The following STARD8 variants were observed in gnomAD, a reference collection of about 807,000 sequenced individuals.
The protein encoded by STARD8 is StAR related lipid transfer domain containing 8, also known as stAR-related lipid transfer protein 8.
In STARD8, 25 loss-of-function variants were observed where a neutral mutation model predicts 69.4. The observed-to-expected ratio is 0.36, with a 90% CI of 0.26 to 0.50. The LOEUF is 0.50. Ranked by LOEUF, STARD8 falls within the 20% of genes least tolerant of loss-of-function variation. The probability of loss-of-function intolerance (pLI) is 0.96; values close to 1 mark genes in which losing one functional copy is unlikely to be tolerated. For synonymous variants in STARD8, 389 were observed against 374.6 expected, an observed-to-expected ratio of 1.04 and a Z score of -0.45; for missense variants, 921 against 932.5, an observed-to-expected ratio of 0.99 and a Z score of 0.16.
chrX:68,657,241 C>T (rs968076404), intron 1 of STARD8, among the ~76,000 whole-genome samples: 30 of 111,606 alleles, frequency 2.7e-4, no homozygotes, highest in African/African-American at 9.5e-4. Flanking sequence ...GAGAATGATC[C>T]CAAAGCCTGT....
At chrX:68,701,823 A>G (rs1474626310) in intron 2 of STARD8, among the ~76,000 whole-genome samples, 1 of 111,942 alleles carries the variant, frequency 8.9e-6, no homozygotes, top group African/African-American at 3.3e-5. Flanking sequence ...CTTGACAACC[A>G]GGTTGCATTA....
At chrX:68,663,826 AT>A (rs1455489049) in intron 1 of STARD8, among the ~76,000 whole-genome samples, 1 of 111,389 alleles carries the variant, frequency 9.0e-6, no homozygotes, top group Non-Finnish European at 1.9e-5. Flanking sequence ...ATCTGTCGCT[AT>A]TGGTCTTTCT....
At chrX:68,676,511 G>A (rs1237635198) in intron 2 of STARD8, among the ~76,000 whole-genome samples, 2 of 112,299 alleles carry the variant, frequency 1.8e-5, no homozygotes, top group East Asian at 5.6e-4. Flanking sequence ...GCTAACTTGT[G>A]CAATCTCTGA....
intron 2 of STARD8, among the ~76,000 whole-genome samples, chrX:68,694,702 G>A (rs2079905433): frequency 9.0e-6 from 1 of 111,596 alleles, no homozygotes; most frequent in South Asian, 3.8e-4. Context: ...GGTACCTGGG[G>A]TCAGGCTCCT....
At position 68,718,245 on chromosome X, in the gene STARD8, T is replaced by A; in HGVS notation, c.1331T>A (p.Met444Lys). The A allele has an allele frequency of 8.3e-7, 1 of 1,211,270 alleles. No individual in the cohort carries two copies. Among genetic ancestry groups the A allele is most frequent in the East Asian group, 3.0e-5 (1 of 33,789 alleles). The change falls in exon 6 of 15, where the codon ATG becomes AAG. Residue 444 changes from methionine (M) to lysine (K), a missense_variant. Coordinates refer to ENST00000374599, the MANE Select transcript of STARD8 (RefSeq NM_001142503.3). ...VKCQAEALSQ[M>K]EVPAHGESPA... ...TGCCAAGCTGAGGCTCTCAGCCAGA[T>A]GGAGGTTCCGGCCCATGGAGAGTCC... is the stretch of plus-strand genomic sequence containing the variant.
At position 68,695,545 on chromosome X, in the gene STARD8, A is replaced by G. The variant is rs138726737; in HGVS notation, c.80-17369A>G. Reference sequence around the variant, plus strand: ...TCCCCTCCCCCACCTAGAGAGGAGAAGCTGCCTACAGATGATATCTGGAGG... The same window carrying G: ...TCCCCTCCCCCACCTAGAGAGGAGAGGCTGCCTACAGATGATATCTGGAGG... On this transcript the variant is annotated intron_variant, in intron 2 of 14. Transcript: ENST00000374599. 2.7e-3 allele frequency among the ~76,000 whole-genome samples: 296 copies of G among 111,150 alleles called. 1 individual carries two copies. Among genetic ancestry groups the G allele is most frequent in the Non-Finnish European group, 4.5e-3 (239 of 53,021 alleles).
chrX:68,674,659 G>A (rs918872073), intron 2 of STARD8, among the ~76,000 whole-genome samples: 2 of 111,589 alleles, frequency 1.8e-5, no homozygotes, highest in African/African-American at 6.5e-5. Context: ...CCTTAGAGTG[G>A]TGGAAAGAAT....
At chrX:68,716,333 G>A (rs1019897944) in intron 4 of STARD8, 35 bp from the exon 5 acceptor site, 2 of 1,192,925 alleles carry the variant, frequency 1.7e-6, no homozygotes, top group African/African-American at 1.8e-5. Flanking sequence ...TTTGGGGATG[G>A]GGACCCTTGG....
intron 1 of STARD8, among the ~76,000 whole-genome samples, chrX:68,663,195 A>G (rs1386104052): frequency 8.9e-6 from 1 of 112,153 alleles, no homozygotes; most frequent in African/African-American, 3.2e-5. Context: ...TTCATATGCT[A>G]TCTTCCCCTG....
chrX:68,722,185 C>A lies in STARD8; in HGVS notation c.2574+24C>A, dbSNP rs768688566. On this transcript the variant is annotated intron_variant, in intron 11 of 14. Transcript: ENST00000374599. Reference sequence around the variant, plus strand: ...AGGTGAGTAACCCCAGGCCATGACACCTACTTACCAGACCTGGGGGAACCA... The same window carrying A: ...AGGTGAGTAACCCCAGGCCATGACAACTACTTACCAGACCTGGGGGAACCA... The A allele has an allele frequency of 2.3e-5, 27 of 1,154,985 alleles. No individual in the cohort carries two copies. In the East Asian group the frequency reaches 8.2e-4, roughly 35 times the overall value.
chrX:68,652,989 A>C (rs1387477969), intron 1 of STARD8, among the ~76,000 whole-genome samples: 8 of 30,383 alleles, frequency 2.6e-4, no homozygotes, highest in East Asian at 1.3e-3. Flanking sequence ...CCACACACAC[A>C]CCACACACCA....
At chrX:68,668,015 C>A (rs183269352) in intron 2 of STARD8, among the ~76,000 whole-genome samples, 1 of 110,925 alleles carries the variant, frequency 9.0e-6, no homozygotes, top group African/African-American at 3.3e-5. Flanking sequence ...TGACTCTGGG[C>A]TGACAGTTGT....
chrX:68,695,634 C>T (rs753285053), intron 2 of STARD8, among the ~76,000 whole-genome samples: 77 of 111,333 alleles, frequency 6.9e-4, no homozygotes, highest in Non-Finnish European at 9.8e-4. Context: ...GCGCTGTGTG[C>T]TTGCTTGAGA....
At chrX:68,693,333 G>A (rs2079890757) in intron 2 of STARD8, among the ~76,000 whole-genome samples, 1 of 112,814 alleles carries the variant, frequency 8.9e-6, no homozygotes, top group Non-Finnish European at 1.9e-5. Flanking sequence ...CGGGCACATA[G>A]CATATGTGTT....
intron 10 of STARD8, 111 bp from the exon 11 acceptor site, chrX:68,721,936 T>C: frequency 1.2e-6 from 1 of 835,342 alleles, no homozygotes; most frequent in Non-Finnish European, 1.7e-6. Context: ...CAGGTTGTTT[T>C]GTGGCCAGGT....
rs764861474 is a variant in STARD8, at chrX:68,720,395, G to A, written c.2021G>A (p.Arg674His). Residue 674 changes from arginine (R) to histidine (H), a missense_variant, in exon 8 of 15, where the codon CGC (arginine) becomes CAC (histidine). Coordinates refer to ENST00000374599, the MANE Select transcript of STARD8 (RefSeq NM_001142503.3). ...PLPQSIQQAM[R>H]YLRSQCLDQV... ...CCACAGAGCATTCAGCAAGCCATGC[G>A]CTACTTGCGCAGCCAGTGCCTGGAC... 32 of 1,190,483 alleles carry A rather than the reference G, an allele frequency of 2.7e-5. No homozygotes were observed. The highest frequency in any genetic ancestry group is 1.3e-4 in the South Asian group (7 of 53,529).
At chrX:68,694,025 T>C (rs1170155857) in intron 2 of STARD8, among the ~76,000 whole-genome samples, 2 of 112,851 alleles carry the variant, frequency 1.8e-5, no homozygotes, top group African/African-American at 3.2e-5. Flanking sequence ...ATCGCCGAAA[T>C]TGGGGGACCC....
At chrX:68,653,114 C>T (rs1602535163) in intron 1 of STARD8, among the ~76,000 whole-genome samples, 1 of 31,885 alleles carries the variant, frequency 3.1e-5, no homozygotes, top group Admixed American at 4.7e-4. Context: ...CACACACACA[C>T]CACACACCAC....
chrX:68,686,119 G>A (rs2079830345), intron 2 of STARD8, among the ~76,000 whole-genome samples: 1 of 111,708 alleles, frequency 9.0e-6, no homozygotes, highest in Admixed American at 9.4e-5. Flanking sequence ...TCGCAGATGG[G>A]GGCCAAGTTG....
Sources: gnomAD v4.1 joint callset for allele counts (sites outside exome capture counted in the v4.1 genomes callset) on GRCh38, gnomAD v4.1.1 for gene constraint, MANE v1.5 for transcripts, NCBI Gene and HGNC (gene_info 2026-07-23, HGNC 2026-07-21) for gene names.